Variants in MARCHF2 observed in about 807,000 individuals in gnomAD.
MARCHF2 encodes the protein membrane associated ring-CH-type finger 2.
In MARCHF2, 22 loss-of-function variants were observed where a neutral mutation model predicts 24.0. The observed-to-expected ratio is 0.92, with a 90% CI of 0.66 to 1.31. The LOEUF (loss-of-function observed/expected upper bound fraction) is 1.31. Among genes scored for constraint, MARCHF2 ranks in the 50% most tolerant of loss-of-function variants. The probability of loss-of-function intolerance (pLI) is 0.00; values close to 1 mark genes in which losing one functional copy is unlikely to be tolerated. For synonymous variants in MARCHF2, 154 were observed against 153.0 expected (o/e 1.01, Z -0.05); for missense variants, 301 against 335.3 (o/e 0.90, Z 0.80).
chr19:8,430,931 G>A lies in MARCHF2; in HGVS notation c.582+64G>A, dbSNP rs1237393334. The A allele has an allele frequency of 6.7e-7, 1 of 1,485,006 alleles. No homozygotes were observed. Among genetic ancestry groups the A allele is most frequent in the Non-Finnish European group, 9.0e-7 (1 of 1,106,514 alleles). The allele number at this position is 1,485,006 out of a possible 1,614,324, so 92.0% of individuals were successfully genotyped here. On this transcript the variant is annotated intron_variant, in intron 4 of 4. Transcript: ENST00000215555. This position sits in a 1 kb window ranked among gnomAD's most constrained non-coding sequence, Gnocchi z 4.4. ...TGCCGCTGGGAGCAGCAGGGCCAAG[G>A]ATTTGGCCCCTGGCTTGTGGGGCAC...
intron 3 of MARCHF2, chr19:8,427,816 C>CAAAAAAAA (rs35518866): frequency 2.0e-4 from 27 of 132,598 alleles, no homozygotes; most frequent in Non-Finnish European, 2.1e-4. Context: ...ACAAAAAATA[C>CAAAAAAAA]AAAAAAAAAA....
chr19:8,436,989 ATTTT>A (rs34972879), intron 4 of MARCHF2, among the ~76,000 whole-genome samples: 3 of 134,630 alleles, frequency 2.2e-5, no homozygotes, highest in Admixed American at 7.4e-5. Context: ...TGCGCCCAGC[ATTTT>A]TTTTTTTTTT....
intron 4 of MARCHF2, among the ~76,000 whole-genome samples, chr19:8,435,373 AT>A (rs1386526704): frequency 2.0e-5 from 3 of 151,910 alleles, no homozygotes; most frequent in Non-Finnish European, 2.9e-5. Flanking sequence ...TCACAGCAAA[AT>A]TTAGCAGAAA....
At chr19:8,421,226 G>A (rs1266161132) in intron 1 of MARCHF2, among the ~76,000 whole-genome samples, 1 of 150,694 alleles carries the variant, frequency 6.6e-6, no homozygotes, top group Admixed American at 6.6e-5. Context: ...GGGTTCAAGC[G>A]ATTGTCCCGC....
intron 3 of MARCHF2, among the ~76,000 whole-genome samples, chr19:8,428,900 A>G (rs569736932): frequency 6.6e-5 from 10 of 152,046 alleles, no homozygotes; most frequent in African/African-American, 2.2e-4. Flanking sequence ...GCACCACAGC[A>G]CTCCAGCCTG....
At chr19:8,424,527 C>T (rs1172955694) in intron 2 of MARCHF2, among the ~76,000 whole-genome samples, 7 of 151,910 alleles carry the variant, frequency 4.6e-5, no homozygotes, top group African/African-American at 1.5e-4. Flanking sequence ...ATTAGCCGGG[C>T]GTGGTGGCCG....
chr19:8,432,662 A>G (rs1967613353), intron 4 of MARCHF2, among the ~76,000 whole-genome samples: 1 of 151,956 alleles, frequency 6.6e-6, no homozygotes, highest in Non-Finnish European at 1.5e-5. Context: ...ATGGTGGCAC[A>G]TGCCTGTAGT....
At chr19:8,431,699 G>A (rs997794984) in intron 4 of MARCHF2, among the ~76,000 whole-genome samples, 1 of 151,162 alleles carries the variant, frequency 6.6e-6, no homozygotes, top group Non-Finnish European at 1.5e-5. Flanking sequence ...TTAGCTGTGC[G>A]TGGTGGTGGG....
chr19:8,436,369 G>A (rs1337415887), intron 4 of MARCHF2, among the ~76,000 whole-genome samples: 1 of 151,788 alleles, frequency 6.6e-6, no homozygotes, highest in African/African-American at 2.4e-5. Flanking sequence ...TCTTGACCTC[G>A]TGATCTGCCC....
chr19:8,426,117 G>A (rs1967392069), intron 2 of MARCHF2, among the ~76,000 whole-genome samples: 1 of 151,210 alleles, frequency 6.6e-6, no homozygotes, highest in African/African-American at 2.4e-5. Context: ...TGTAGTTCCA[G>A]CTACTCGGGA....
Position 8,435,540 on chromosome 19 carries a change from T to G in MARCHF2, c.583-2848T>G, listed in dbSNP as rs538502268. On this transcript the variant is annotated intron_variant, in intron 4 of 4. Coordinates refer to ENST00000215555, the MANE Select transcript of MARCHF2 (RefSeq NM_001005415.2). ...CATAGTTCACATTAGGATTCACTTC[T>G]TTTGTTTGTTTGTTTTGAGATGGTA... Among the ~76,000 whole-genome samples, 23 of 152,108 alleles carry G rather than the reference T, an allele frequency of 1.5e-4. No individual in the cohort carries two copies. The South Asian group carries it at 3.5e-3, about 23-fold the overall frequency.
chr19:8,422,702 ATTT>A (rs79474553), intron 2 of MARCHF2, among the ~76,000 whole-genome samples: 1 of 97,104 alleles, frequency 1.0e-5, no homozygotes. Context: ...CTCTTTTTAA[ATTT>A]TTTTTTTTTT....
At chr19:8,432,508 G>A (rs1169109787) in intron 4 of MARCHF2, among the ~76,000 whole-genome samples, 1 of 152,010 alleles carries the variant, frequency 6.6e-6, no homozygotes, top group African/African-American at 2.4e-5. Flanking sequence ...AAAATAATTA[G>A]CTGGGCATGT....
chr19:8,436,051 G>A (rs1377721649), intron 4 of MARCHF2, among the ~76,000 whole-genome samples: 1 of 151,888 alleles, frequency 6.6e-6, no homozygotes, highest in Non-Finnish European at 1.5e-5. Flanking sequence ...GTGGAGACCG[G>A]GTTTTGCCAT....
chr19:8,422,057 C>T, intron 2 of MARCHF2, 41 bp downstream of exon 2: 2 of 1,564,068 alleles, frequency 1.3e-6, no homozygotes, highest in Non-Finnish European at 8.7e-7. Context: ...TTTGTTGCCT[C>T]TTCTCTCTGG....
At chr19:8,424,406 G>A (rs1389708061) in intron 2 of MARCHF2, among the ~76,000 whole-genome samples, 3 of 152,200 alleles carry the variant, frequency 2.0e-5, no homozygotes, top group East Asian at 3.9e-4. Flanking sequence ...AGTGGCTCAC[G>A]CCTGTAATCC....
chr19:8,428,679 A>AAAAAAC, intron 3 of MARCHF2, among the ~76,000 whole-genome samples: 1 of 128,392 alleles, frequency 7.8e-6, no homozygotes, highest in Admixed American at 9.1e-5. Context: ...AAAAAAAAAA[A>AAAAAAC]AAAACCAAGG....
intron 4 of MARCHF2, among the ~76,000 whole-genome samples, chr19:8,437,652 C>T (rs1235492074): frequency 6.6e-6 from 1 of 151,144 alleles, no homozygotes; most frequent in Non-Finnish European, 1.5e-5. Flanking sequence ...CGCCTGGCCT[C>T]ATTCACCTAT....
intron 1 of MARCHF2, among the ~76,000 whole-genome samples, chr19:8,416,118 C>T (rs141428049): frequency 0.016 from 2,417 of 151,910 alleles, 24 homozygotes; most frequent in Non-Finnish European, 0.024. Context: ...CTGAGGTGGG[C>T]GGATCACGAG....
Sources: gnomAD v4.1 joint callset for allele counts (sites outside exome capture counted in the v4.1 genomes callset) on GRCh38, gnomAD v4.1.1 for gene constraint, Gnocchi (gnomAD v3.1) non-coding constraint, MANE v1.5 for transcripts, NCBI Gene and HGNC (gene_info 2026-07-23, HGNC 2026-07-21) for gene names.